Variants in DNAAF9 observed in about 807,000 individuals in gnomAD.
DNAAF9 encodes the protein shulin.
A neutral mutation model predicts 167.0 loss-of-function variants in DNAAF9; 90 were observed. The observed-to-expected ratio is 0.54, with a 90% CI of 0.45 to 0.64. The LOEUF is 0.64. DNAAF9 is among the 30% of genes least tolerant of loss of function. DNAAF9 has a pLI of 0.00. For synonymous variants in DNAAF9, 491 were observed against 508.8 expected (o/e 0.96, Z 0.47); for missense variants, 1,315 against 1,442.2 (o/e 0.91, Z 1.43).
chr20:3,291,769 G>A (rs568341458), intron 25 of DNAAF9, among the ~76,000 whole-genome samples: 40 of 152,238 alleles, frequency 2.6e-4, no homozygotes, highest in Admixed American at 2.0e-3. Context: ...GAAGACGGCC[G>A]TAAATCCCTC....
chr20:3,397,712 T>C (rs757689877), intron 1 of DNAAF9, among the ~76,000 whole-genome samples: 9 of 55,250 alleles, frequency 1.6e-4, no homozygotes, highest in Non-Finnish European at 3.1e-4. Flanking sequence ...TTTAAGCAGA[T>C]TTTTTTTGGG....
intron 7 of DNAAF9, among the ~76,000 whole-genome samples, chr20:3,357,737 G>A (rs1453034460): frequency 6.6e-6 from 1 of 151,794 alleles, no homozygotes; most frequent in East Asian, 1.9e-4. Context: ...TGTTGCCCGG[G>A]CTGGAGTGTG....
At chr20:3,404,820 A>G (rs1277121302) in intron 1 of DNAAF9, among the ~76,000 whole-genome samples, 1 of 152,278 alleles carries the variant, frequency 6.6e-6, no homozygotes. Context: ...TCTTTCAGCT[A>G]GATTTCCACT....
chr20:3,306,724 C>A (rs1419622518), intron 20 of DNAAF9, among the ~76,000 whole-genome samples: 2 of 152,086 alleles, frequency 1.3e-5, no homozygotes, highest in African/African-American at 4.8e-5. Flanking sequence ...GATGTGCCTT[C>A]TCTGCTCCCT....
chr20:3,347,580 A>G (rs1410931455), intron 8 of DNAAF9, among the ~76,000 whole-genome samples: 7 of 152,230 alleles, frequency 4.6e-5, no homozygotes, highest in Non-Finnish European at 1.0e-4. Flanking sequence ...TCTTTAAGAA[A>G]GGTAATTGAT....
At chr20:3,340,731 G>T in intron 9 of DNAAF9, 92 bp from the exon 10 acceptor site, 1 of 1,229,178 alleles carries the variant, frequency 8.1e-7, no homozygotes, top group South Asian at 1.2e-5. Context: ...GCTTTTCTGA[G>T]GGACACTTGC....
intron 18 of DNAAF9, among the ~76,000 whole-genome samples, chr20:3,316,294 G>A (rs1472459531): frequency 2.0e-5 from 3 of 152,068 alleles, no homozygotes; most frequent in African/African-American, 7.2e-5. Context: ...CCCTCCCACT[G>A]CGGAAGATGG....
At chr20:3,278,718 C>CA (rs1555786443) in intron 29 of DNAAF9, among the ~76,000 whole-genome samples, 194 bp downstream of exon 29, 1 of 151,014 alleles carries the variant, frequency 6.6e-6, no homozygotes, top group Non-Finnish European at 1.5e-5. Flanking sequence ...GACTCCGTCT[C>CA]AAAAAAAAGA....
chr20:3,381,585 G>A (rs983031772), intron 2 of DNAAF9, 87 bp from the exon 3 acceptor site: 14 of 1,403,996 alleles, frequency 1.0e-5, no homozygotes, highest in South Asian at 1.4e-5. Context: ...GCAAAACCCT[G>A]ATGATCAAGC....
chr20:3,394,754 A>G (rs1199006178), intron 1 of DNAAF9, among the ~76,000 whole-genome samples: 1 of 151,930 alleles, frequency 6.6e-6, no homozygotes, highest in African/African-American at 2.4e-5. Context: ...AGTTGGATCT[A>G]TTGTTTGGAT....
chr20:3,332,281 C>T lies in DNAAF9; in HGVS notation c.1062G>A (p.Leu354=). The change falls in exon 11 of 37, where the codon TTG becomes TTA. Residue 354 remains leucine (L), a splice_region_variant and synonymous_variant. Coordinates refer to ENST00000252032, the MANE Select transcript of DNAAF9 (RefSeq NM_001009984.3). ...YFFGATHVPY[L]GGDSKLPKKT... ...AGATGACAACTTATAGGGACTTACC[C>T]AAGTAAGGAACATGAGTAGCTCCAA... The T allele has an allele frequency of 6.5e-7, 1 of 1,537,808 alleles. No individual in the cohort carries two copies. The highest frequency in any genetic ancestry group is 2.3e-5 in the East Asian group (1 of 44,420).
At chr20:3,331,768 A>C (rs547860737) in intron 11 of DNAAF9, among the ~76,000 whole-genome samples, 1 of 152,082 alleles carries the variant, frequency 6.6e-6, no homozygotes, top group Non-Finnish European at 1.5e-5. Flanking sequence ...CCACCTCCCA[A>C]GTTCAAGCGA....
At chr20:3,394,219 T>G (rs1346854718) in intron 1 of DNAAF9, among the ~76,000 whole-genome samples, 1 of 151,630 alleles carries the variant, frequency 6.6e-6, no homozygotes, top group Non-Finnish European at 1.5e-5. Flanking sequence ...GTGCCTATAA[T>G]CACAGCTACT....
chr20:3,345,806 G>C (rs2070181448), intron 8 of DNAAF9, among the ~76,000 whole-genome samples: 1 of 152,042 alleles, frequency 6.6e-6, no homozygotes, highest in Admixed American at 6.6e-5. Flanking sequence ...ATATACTAGA[G>C]ACAAAATGCT....
intron 1 of DNAAF9, among the ~76,000 whole-genome samples, chr20:3,405,957 G>A (rs1487694661): frequency 6.6e-6 from 1 of 152,210 alleles, no homozygotes; most frequent in East Asian, 1.9e-4. Context: ...GATTGGAGAT[G>A]CGTTACTATA....
At chr20:3,363,228 C>CAAA (rs550155552) in intron 6 of DNAAF9, among the ~76,000 whole-genome samples, 3 of 105,178 alleles carry the variant, frequency 2.9e-5, no homozygotes, top group East Asian at 2.7e-4. Context: ...GACTCCGTCT[C>CAAA]AAAAAAAAAA....
In DNAAF9 at chr20:3,291,692, A is replaced by C. The variant is rs184470059; in HGVS notation, c.2239-1475T>G. Among the ~76,000 whole-genome samples, 378 of 152,262 alleles carry C rather than the reference A, an allele frequency of 2.5e-3. 1 individual carries two copies. The highest frequency in any genetic ancestry group is 8.3e-3 in the African/African-American group (344 of 41,554). ...AAGACTCACTGGGACAGGCCCAGTC[A>C]CAAATAACTTATGCTAAAGCTAAGC... On this transcript the variant is annotated intron_variant, in intron 25 of 36. Transcript: ENST00000252032.
chr20:3,298,217 C>CT (rs749581380), intron 21 of DNAAF9, 42 bp from the exon 22 acceptor site: 2 of 1,566,246 alleles, frequency 1.3e-6, no homozygotes, highest in Non-Finnish European at 1.7e-6. Flanking sequence ...AGAGCATCTG[C>CT]ACAATTACAG....
intron 11 of DNAAF9, among the ~76,000 whole-genome samples, chr20:3,331,565 G>A (rs915910133): frequency 1.3e-5 from 2 of 152,148 alleles, no homozygotes; most frequent in African/African-American, 4.8e-5. Flanking sequence ...GCATGCTCCT[G>A]CTCCTAAGTA....
Sources: gnomAD v4.1 joint callset for allele counts (sites outside exome capture counted in the v4.1 genomes callset) on GRCh38, gnomAD v4.1.1 for gene constraint, MANE v1.5 for transcripts, NCBI Gene and HGNC (gene_info 2026-07-23, HGNC 2026-07-21) for gene names.